Variants in SDK1 observed in about 807,000 individuals in gnomAD.
SDK1 encodes the protein sidekick cell adhesion molecule 1, also known as protein sidekick-1.
A neutral mutation model predicts 245.5 loss-of-function variants in SDK1; 157 were observed. The ratio of observed to expected loss-of-function variants is 0.64; its 90% CI spans 0.56 to 0.73. The LOEUF is 0.73. Among genes scored for constraint, SDK1 ranks in the 30% least tolerant of loss-of-function variants. The probability of loss-of-function intolerance (pLI) is 0.00; values close to 1 mark genes in which losing one functional copy is unlikely to be tolerated. For missense variants in SDK1, 3,583 were observed against 3,002.3 expected, an observed-to-expected ratio of 1.19 and a Z score of -4.52; for synonymous variants, 1,647 against 1,278.5, an observed-to-expected ratio of 1.29 and a Z score of -6.15.
At chr7:3,410,520 G>C (rs1374168870) in intron 1 of SDK1, among the ~76,000 whole-genome samples, 1 of 150,520 alleles carries the variant, frequency 6.6e-6, no homozygotes, top group East Asian at 2.0e-4. Flanking sequence ...TGTGACTGGA[G>C]CAATGTAACT....
intron 30 of SDK1, among the ~76,000 whole-genome samples, chr7:4,157,454 G>A (rs1562899767): frequency 1.1e-5 from 1 of 89,036 alleles, no homozygotes; most frequent in Non-Finnish European, 2.2e-5. Context: ...GGGAAGGGAG[G>A]TGGAAGGGAG....
intron 17 of SDK1, among the ~76,000 whole-genome samples, chr7:4,025,256 C>G (rs895844314): frequency 5.3e-5 from 8 of 152,238 alleles, no homozygotes; most frequent in Non-Finnish European, 1.2e-4. Context: ...TTGACTGATT[C>G]TTGCCTCCCT....
intron 4 of SDK1, among the ~76,000 whole-genome samples, chr7:3,682,462 C>G (rs1463997310): frequency 9.4e-4 from 9 of 9,544 alleles, no homozygotes. Context: ...TGGAACAAAG[C>G]TAATGGCAGC....
At position 4,077,087 on chromosome 7, in the gene SDK1, G is replaced by A. The variant is rs1175605826; in HGVS notation, c.3100G>A (p.Gly1034Ser). 1 of 1,614,196 alleles carries A rather than the reference G, an allele frequency of 6.2e-7. No individual in the cohort carries two copies. Among genetic ancestry groups the A allele is most frequent in the Non-Finnish European group, 8.5e-7 (1 of 1,180,026 alleles). ...NSTTHEYKIQ[G>S]LSSLTTYTID... ...CACGACGCACGAGTACAAGATCCAA[G>A]GCCTCTCATCTCTCACCACCTACAC... is the stretch of plus-strand genomic sequence containing the variant. Residue 1034 changes from glycine (G) to serine (S), a missense_variant, in exon 21 of 45, where the codon GGC becomes AGC. Gly to Ser is a moderately conservative substitution (Grantham distance 56). Coordinates refer to ENST00000404826, the MANE Select transcript of SDK1 (RefSeq NM_152744.4).
In SDK1 at chr7:4,265,343, G is replaced by A. The variant is rs762433679; in HGVS notation, c.6601G>A (p.Gly2201Ser). The change falls in exon 45 of 45, where the codon GGC becomes AGC. Residue 2201 changes from glycine (G) to serine (S), a missense_variant. Gly to Ser is a moderately conservative substitution (Grantham distance 56). Transcript: ENST00000404826. ...CGGCGTCTACACCCCCGCTGGCCCC[G>A]GCGCGCGAACTCCGCTCACCGGCTT... ...AGGVYTPAGP[G>S]ARTPLTGFSS... 8.9e-5 allele frequency: 131 copies of A among 1,467,010 alleles called. No individual in the cohort carries two copies. Among genetic ancestry groups the A allele is most frequent in the Non-Finnish European group, 1.1e-4 (123 of 1,122,590 alleles). The allele number at this position is 1,467,010 out of a possible 1,614,324, so 90.9% of individuals were successfully genotyped here. A position where few individuals can be genotyped will look rare whatever the true frequency, so the allele number is the denominator to read the frequency against.
At position 3,471,783 on chromosome 7, in the gene SDK1, C is replaced by G. The variant is rs559568582; in HGVS notation, c.299-147297C>G. 1.8e-4 allele frequency among the ~76,000 whole-genome samples: 27 copies of G among 152,272 alleles called. No homozygotes were observed. In the South Asian group the frequency reaches 5.2e-3, roughly 29 times the overall value. The stretch of plus-strand genomic sequence containing the variant: ...GTATGGTTTTACTTTTTATAGTCTA[C>G]TCGGCTTTTCTGTTCTTAAAAGTTG... On this transcript the variant is annotated intron_variant, in intron 1 of 44. Transcript: ENST00000404826.
intron 22 of SDK1, among the ~76,000 whole-genome samples, chr7:4,100,248 C>T (rs1782446054): frequency 6.6e-6 from 1 of 152,170 alleles, no homozygotes; most frequent in African/African-American, 2.4e-5. Context: ...GGTTGCAGGA[C>T]TCAGCTCAGA....
At chr7:4,040,487 C>T (rs1264905698) in intron 17 of SDK1, among the ~76,000 whole-genome samples, 2 of 152,106 alleles carry the variant, frequency 1.3e-5, no homozygotes, top group Admixed American at 6.5e-5. Context: ...AGGACCCGGA[C>T]ACACAAGGAG....
At chr7:3,396,607 T>C (rs576774495) in intron 1 of SDK1, among the ~76,000 whole-genome samples, 1 of 151,598 alleles carries the variant, frequency 6.6e-6, no homozygotes, top group South Asian at 2.1e-4. Context: ...TATTATAAAA[T>C]TTCCTTTTCT....
chr7:3,723,634 T>A (rs1778892519), intron 4 of SDK1, among the ~76,000 whole-genome samples: 1 of 151,776 alleles, frequency 6.6e-6, no homozygotes, highest in Non-Finnish European at 1.5e-5. Context: ...GAAGAAGACA[T>A]TTCATTCAGT....
chr7:3,398,157 G>A (rs1778776041), intron 1 of SDK1, among the ~76,000 whole-genome samples: 1 of 151,986 alleles, frequency 6.6e-6, no homozygotes, highest in Admixed American at 6.6e-5. Flanking sequence ...GTAACTGTAG[G>A]TTTCACAGGC....
chr7:3,483,993 A>G (rs1320522341), intron 1 of SDK1, among the ~76,000 whole-genome samples: 1 of 152,186 alleles, frequency 6.6e-6, no homozygotes. Flanking sequence ...TACGCATATG[A>G]TGTGTAATAA....
intron 4 of SDK1, among the ~76,000 whole-genome samples, chr7:3,771,344 C>G (rs563550469): frequency 1.3e-5 from 2 of 152,052 alleles, no homozygotes; most frequent in East Asian, 1.9e-4. Flanking sequence ...CAGGATCAGC[C>G]CAGAGTCAAG....
At chr7:3,318,187 A>G (rs958746509) in intron 1 of SDK1, among the ~76,000 whole-genome samples, 5 of 152,240 alleles carry the variant, frequency 3.3e-5, no homozygotes, top group African/African-American at 1.2e-4. Context: ...ATCATTTCAT[A>G]TTAGCACACA....
chr7:4,183,376 C>T (rs926928594), intron 35 of SDK1, among the ~76,000 whole-genome samples: 2 of 152,066 alleles, frequency 1.3e-5, no homozygotes, highest in African/African-American at 4.8e-5. Context: ...TGGTTCATGC[C>T]TGTCATCCCA....
chr7:3,610,083 T>C (rs754159712), intron 1 of SDK1, among the ~76,000 whole-genome samples: 1 of 152,240 alleles, frequency 6.6e-6, no homozygotes, highest in Non-Finnish European at 1.5e-5. Context: ...GAAACCTCCA[T>C]GGTTTGTAAC....
chr7:3,587,044 T>A (rs535262514), intron 1 of SDK1, among the ~76,000 whole-genome samples: 1 of 152,172 alleles, frequency 6.6e-6, no homozygotes, highest in East Asian at 1.9e-4. Context: ...AGTGCAGACA[T>A]CTGGGCTTTG....
intron 4 of SDK1, among the ~76,000 whole-genome samples, chr7:3,787,790 G>C (rs1780952301): frequency 6.6e-6 from 1 of 152,254 alleles, no homozygotes; most frequent in Admixed American, 6.5e-5. Flanking sequence ...TCTCTCTGCT[G>C]TCCCTCACCT....
intron 33 of SDK1, 112 bp downstream of exon 33, chr7:4,174,469 G>C: frequency 1.6e-6 from 2 of 1,226,124 alleles, no homozygotes; most frequent in Non-Finnish European, 2.3e-6. Context: ...TGAGAGAAGA[G>C]GCAGCCCTGC....
Sources: gnomAD v4.1 joint callset for allele counts (sites outside exome capture counted in the v4.1 genomes callset) on GRCh38, gnomAD v4.1.1 for gene constraint, MANE v1.5 for transcripts, NCBI Gene and HGNC (gene_info 2026-07-23, HGNC 2026-07-21) for gene names.